The following CNOT10 variants were observed in gnomAD, a reference collection of about 807,000 sequenced individuals.
CNOT10 encodes the protein CCR4-NOT transcription complex subunit 10, also known as CCR4-NOT transcription complex, subunit 10.
A neutral mutation model predicts 94.6 loss-of-function variants in CNOT10; 30 were observed. The ratio of observed to expected loss-of-function variants is 0.32; its 90% CI spans 0.24 to 0.43. The LOEUF is 0.43. CNOT10 is among the 20% of genes least tolerant of loss of function. The pLI is 1.00. For synonymous variants in CNOT10, 289 were observed against 301.6 expected (o/e 0.96, Z 0.43); for missense variants, 759 against 877.2 (o/e 0.87, Z 1.70).
intron 15 of CNOT10, 146 bp downstream of exon 15, chr3:32,763,009 T>C: frequency 1.3e-6 from 1 of 755,584 alleles, no homozygotes; most frequent in Non-Finnish European, 2.0e-6. Context: ...ACTTACTTTG[T>C]AGCAGTTGTT....
chr3:32,724,939 C>A (rs1698600988), intron 8 of CNOT10, among the ~76,000 whole-genome samples: 1 of 152,190 alleles, frequency 6.6e-6, no homozygotes, highest in South Asian at 2.1e-4. Context: ...TTCCTTGTTT[C>A]TAATTTCTAC....
chr3:32,703,825 C>A, intron 1 of CNOT10, 43 bp from the exon 2 acceptor site: 1 of 1,428,544 alleles, frequency 7.0e-7, no homozygotes, highest in Non-Finnish European at 9.9e-7. Flanking sequence ...GACCACTGTA[C>A]AACTTTTATT....
chr3:32,690,076 G>A (rs1265725115), intron 1 of CNOT10, among the ~76,000 whole-genome samples: 1 of 152,152 alleles, frequency 6.6e-6, no homozygotes, highest in Non-Finnish European at 1.5e-5. Flanking sequence ...GGCCATGGAG[G>A]GAGTTTGAAT....
intron 10 of CNOT10, 98 bp downstream of exon 10, chr3:32,727,968 G>T: frequency 1.3e-6 from 1 of 765,390 alleles, no homozygotes; most frequent in Non-Finnish European, 2.0e-6. Context: ...ACATACATAA[G>T]ACATTTCTCT....
chr3:32,753,787 A>G (rs1165127520), intron 13 of CNOT10: 4 of 1,599,376 alleles, frequency 2.5e-6, no homozygotes, highest in East Asian at 2.2e-5. Context: ...GAAATGTGCC[A>G]TGAACAGATC....
chr3:32,773,706 G>A lies in CNOT10; in HGVS notation c.*95G>A. 1 of 1,322,034 alleles carries A rather than the reference G, an allele frequency of 7.6e-7. No homozygotes were observed. Among genetic ancestry groups the A allele is most frequent in the Non-Finnish European group, 1.0e-6 (1 of 984,674 alleles). The allele number at this position is 1,322,034 out of a possible 1,614,324, so 81.9% of individuals were successfully genotyped here. On this transcript the variant is annotated 3_prime_UTR_variant, in exon 19 of 19. Coordinates refer to ENST00000328834, the MANE Select transcript of CNOT10 (RefSeq NM_015442.3). ...AGCAGAATGAATAAAAGATGGTGAA[G>A]GCTGTTAATTTTGAGTCAATTCTAC...
At chr3:32,761,992 G>T (rs557374122) in intron 14 of CNOT10, among the ~76,000 whole-genome samples, 1 of 150,574 alleles carries the variant, frequency 6.6e-6, no homozygotes, top group South Asian at 2.1e-4. Flanking sequence ...GGCTGGTCTC[G>T]AACTCCCGAC....
At chr3:32,748,553 C>T (rs1353443789) in intron 13 of CNOT10, among the ~76,000 whole-genome samples, 2 of 152,146 alleles carry the variant, frequency 1.3e-5, no homozygotes, top group African/African-American at 4.8e-5. Flanking sequence ...CACTCTGTGG[C>T]CCAGGCTGGA....
At chr3:32,750,080 G>A (rs540304057) in intron 13 of CNOT10, among the ~76,000 whole-genome samples, 18 of 152,112 alleles carry the variant, frequency 1.2e-4, no homozygotes, top group East Asian at 5.8e-4. Flanking sequence ...TCATGATAGC[G>A]CGTGCCTGTA....
chr3:32,733,264 C>A (rs529680550), intron 10 of CNOT10, among the ~76,000 whole-genome samples, 159 bp from the exon 11 acceptor site: 28 of 152,234 alleles, frequency 1.8e-4, no homozygotes, highest in Admixed American at 3.3e-4. Flanking sequence ...TATACTTTTT[C>A]CACTAATACC....
chr3:32,754,230 C>G (rs1700096622), intron 13 of CNOT10, among the ~76,000 whole-genome samples: 1 of 151,624 alleles, frequency 6.6e-6, no homozygotes, highest in African/African-American at 2.4e-5. Context: ...GTAATCCCAG[C>G]ACTTTGGGAG....
intron 13 of CNOT10, among the ~76,000 whole-genome samples, chr3:32,737,934 T>C (rs139526130): frequency 8.5e-5 from 13 of 152,344 alleles, no homozygotes; most frequent in African/African-American, 2.9e-4. Flanking sequence ...TATTTTCTTT[T>C]GTATAAATTT....
chr3:32,717,693 C>T (rs1698184226), intron 7 of CNOT10, among the ~76,000 whole-genome samples: 1 of 152,052 alleles, frequency 6.6e-6, no homozygotes, highest in Admixed American at 6.6e-5. Context: ...TGATGAGACC[C>T]TGTCTCTACT....
At position 32,773,684 on chromosome 3, in the gene CNOT10, A is replaced by G; in HGVS notation, c.*73A>G. 2 of 1,434,300 alleles carry G rather than the reference A, an allele frequency of 1.4e-6. No homozygotes were observed. The highest frequency in any genetic ancestry group is 1.9e-6 in the Non-Finnish European group (2 of 1,065,196). 88.8% of individuals were successfully genotyped at this position (1,434,300 alleles called of 1,614,324 possible). On this transcript the variant is annotated 3_prime_UTR_variant, in exon 19 of 19. Transcript: ENST00000328834. ...CTGGCCATTTTAGTTGTATCACAGC[A>G]GAATGAATAAAAGATGGTGAAGGCT...
chr3:32,727,314 TAAAAATA>T lies in CNOT10; in HGVS notation c.1013-343_1013-337del, dbSNP rs906226332. On this transcript the variant is annotated intron_variant, in intron 9 of 18. Transcript: ENST00000328834. ...TGAGACCCCCCCATCTCTACAAAAATAAAAATAAAAAATAAAAGAGAATAAAGTAAAA... is the reference window on the plus strand; with the variant it reads ...TGAGACCCCCCCATCTCTACAAAAATAAAAATAAAAGAGAATAAAGTAAAA... Among the ~76,000 whole-genome samples the T allele has an allele frequency of 1.4e-3, 214 of 151,818 alleles. 1 individual carries two copies. Among genetic ancestry groups the T allele is most frequent in the Non-Finnish European group, 7.5e-4 (51 of 67,942 alleles).
chr3:32,710,164 AAAAAAG>A (rs1211383322), intron 4 of CNOT10, among the ~76,000 whole-genome samples: 18 of 151,614 alleles, frequency 1.2e-4, no homozygotes, highest in African/African-American at 4.1e-4. Flanking sequence ...AAAAAAAAAA[AAAAAAG>A]AGAATTTCCT....
chr3:32,754,392 G>A (rs866213669), intron 13 of CNOT10, among the ~76,000 whole-genome samples: 160 of 140,040 alleles, frequency 1.1e-3, no homozygotes, highest in African/African-American at 3.9e-3. Flanking sequence ...CAGGAGAATG[G>A]CATGAACCTG....
At position 32,685,597 on chromosome 3, in the gene CNOT10, C is replaced by T. The variant is rs1696561392; in HGVS notation, c.22+115C>T. On this transcript the variant is annotated intron_variant, in intron 1 of 18. Transcript: ENST00000328834. Reference sequence around the variant, plus strand: ...GACTCCAGGGCGACTTGAATTTGGGCGTGCATTTCTTTACCCCATCCTCTG... The same window carrying T: ...GACTCCAGGGCGACTTGAATTTGGGTGTGCATTTCTTTACCCCATCCTCTG... 4 of 1,178,698 alleles carry T rather than the reference C, an allele frequency of 3.4e-6. No individual in the cohort carries two copies. The South Asian group carries it at 5.4e-5, about 16-fold the overall frequency. 73.0% of individuals were successfully genotyped at this position (1,178,698 alleles called of 1,614,324 possible). A position where few individuals can be genotyped will look rare whatever the true frequency, so the allele number is the denominator to read the frequency against.
chr3:32,715,113 C>T (rs780349364), intron 5 of CNOT10, among the ~76,000 whole-genome samples: 4 of 152,050 alleles, frequency 2.6e-5, no homozygotes, highest in Non-Finnish European at 4.4e-5. Context: ...GTGCTCTGCC[C>T]GGTTCTAAGG....
Sources: allele counts gnomAD v4.1 joint callset (sites outside exome capture counted in the v4.1 genomes callset), GRCh38; gene constraint gnomAD v4.1.1; transcripts MANE v1.5; gene names NCBI Gene and HGNC (gene_info 2026-07-23, HGNC 2026-07-21).